The following LTA4H variants were observed in gnomAD, a reference collection of about 807,000 sequenced individuals.
LTA4H encodes the protein leukotriene A4 hydrolase, also known as leukotriene A-4 hydrolase.
In LTA4H, 59 loss-of-function variants were observed where a neutral mutation model predicts 89.8. The ratio of observed to expected loss-of-function variants is 0.66; its 90% CI spans 0.53 to 0.82. The LOEUF is 0.82. Ranked by LOEUF, LTA4H falls within the 40% of genes least tolerant of loss-of-function variation. The probability of loss-of-function intolerance (pLI) is 0.00; values close to 1 mark genes in which losing one functional copy is unlikely to be tolerated. For missense variants in LTA4H, 617 were observed against 727.0 expected, an observed-to-expected ratio of 0.85 and a Z score of 1.74; for synonymous variants, 227 against 253.1, an observed-to-expected ratio of 0.90 and a Z score of 0.98.
At chr12:96,043,431 C>T in exon 1 of LTA4H, 1 of 1,072,146 alleles carries the variant, frequency 9.3e-7, no homozygotes, top group Non-Finnish European at 1.4e-6. Flanking sequence ...CTCCCAAGCC[C>T]ATGCATCCTC....
chr12:96,004,069 C>T lies in LTA4H; in HGVS notation c.1531-149G>A, dbSNP rs374680933. On this transcript the variant is annotated intron_variant, in intron 16 of 18. Transcript: ENST00000228740. ...ATAAAAATAAAAGAAACAAATTGCA[C>T]ACTAAGTAAATTCTGTGCAAACTTA... 217 of 400,624 alleles carry T rather than the reference C, an allele frequency of 5.4e-4. No individual in the cohort carries two copies. The African/African-American group carries it at 7.3e-3, about 14-fold the overall frequency. The allele number at this position is 400,624 out of a possible 1,614,324, so 24.8% of individuals were successfully genotyped here. A position where few individuals can be genotyped will look rare whatever the true frequency, so the allele number is the denominator to read the frequency against.
intron 1 of LTA4H, among the ~76,000 whole-genome samples, chr12:96,031,867 A>T (rs529236847): frequency 3.0e-4 from 45 of 152,312 alleles, no homozygotes; most frequent in Admixed American, 2.3e-3. Flanking sequence ...GAGTTTTTTT[A>T]AAAAAAGCTT....
At position 96,018,837 on chromosome 12, in the gene LTA4H, A is replaced by G. The variant is rs777594065; in HGVS notation, c.778T>C (p.Leu260=). ...GPYVWGQYDL[L]VLPPSFPYGG... ...TAAGGGAAGGATGGTGGCAGGACCA[A>G]TAGGTCATACTGTCCCCATACATAC... Residue 260 remains leucine, a synonymous_variant, in exon 8 of 19, where the codon TTG becomes CTG. Transcript: ENST00000228740. 11 of 1,605,064 alleles carry G rather than the reference A, an allele frequency of 6.9e-6. No homozygotes were observed. In the Admixed American group the frequency reaches 1.2e-4, roughly 18 times the overall value.
At chr12:96,014,769 G>T in intron 12 of LTA4H, 86 bp downstream of exon 12, 1 of 1,274,512 alleles carries the variant, frequency 7.8e-7, no homozygotes, top group Non-Finnish European at 1.1e-6. Context: ...AGTATTAAAT[G>T]GAACAAAACA....
intron 3 of LTA4H, among the ~76,000 whole-genome samples, chr12:96,026,436 A>G (rs1406183784): frequency 1.3e-5 from 2 of 152,216 alleles, no homozygotes; most frequent in African/African-American, 4.8e-5. Flanking sequence ...CATGACTCAT[A>G]AATCTTGCAT....
chr12:96,024,183 C>T (rs1196360091), intron 4 of LTA4H, among the ~76,000 whole-genome samples: 3 of 152,118 alleles, frequency 2.0e-5, no homozygotes, highest in African/African-American at 2.4e-5. Flanking sequence ...CCACCCATCT[C>T]GGCCTCCCAA....
At chr12:96,018,669 TTCTTTAC>T (rs1213261781) in intron 8 of LTA4H, 87 bp downstream of exon 8, 1 of 812,918 alleles carries the variant, frequency 1.2e-6, no homozygotes, top group Non-Finnish European at 1.7e-6. Flanking sequence ...GACTCTAAGG[TTCTTTAC>T]ATATATATAC....
At chr12:96,006,550 AC>A in intron 15 of LTA4H, 141 bp from the exon 16 acceptor site, 1 of 529,794 alleles carries the variant, frequency 1.9e-6, no homozygotes, top group Non-Finnish European at 3.3e-6. Flanking sequence ...AGCCTGAGTT[AC>A]TTAAATAATC....
rs762030162 is a variant in LTA4H at position 96,013,208 on chromosome 12, T to G, written c.1359A>C (p.Gly453=). The G allele has an allele frequency of 6.2e-7, 1 of 1,613,704 alleles. No individual in the cohort carries two copies. Among genetic ancestry groups the G allele is most frequent in the South Asian group, 1.1e-5 (1 of 91,064 alleles). Reference sequence around the variant, plus strand: ...CTTACTTGGGCTTTATGGGAGGCAGTCCAGGAGAGTAGAGCCAGGCATTCC... The same window carrying G: ...CTTACTTGGGCTTTATGGGAGGCAGGCCAGGAGAGTAGAGCCAGGCATTCC... ...VDWNAWLYSP[G]LPPIKPNYDM... is the part of the protein sequence containing the mutation. Residue 453 remains glycine (G), a synonymous_variant, in exon 14 of 19, where the codon GGA becomes GGC. Coordinates refer to ENST00000228740, the MANE Select transcript of LTA4H (RefSeq NM_000895.3).
intron 8 of LTA4H, among the ~76,000 whole-genome samples, chr12:96,018,113 C>G (rs1453847427): frequency 6.6e-6 from 1 of 152,018 alleles, no homozygotes; most frequent in Admixed American, 6.6e-5. Flanking sequence ...TACCTACACA[C>G]CAAGTGTAAT....
intron 1 of LTA4H, among the ~76,000 whole-genome samples, chr12:96,043,066 G>A (rs939149491): frequency 6.6e-6 from 1 of 152,116 alleles, no homozygotes; most frequent in African/African-American, 2.4e-5. Flanking sequence ...CTTCACATCA[G>A]CCTATCTCAC....
Position 96,013,205 on chromosome 12 carries a change from C to A in LTA4H, c.1362G>T (p.Leu454=). The A allele has an allele frequency of 6.2e-7, 1 of 1,613,374 alleles. No individual in the cohort carries two copies. The highest frequency in any genetic ancestry group is 8.5e-7 in the Non-Finnish European group (1 of 1,179,460). ...GTACTTACTTGGGCTTTATGGGAGG[C>A]AGTCCAGGAGAGTAGAGCCAGGCAT... ...DWNAWLYSPG[L]PPIKPNYDMT... is the part of the protein sequence containing the mutation. The change falls in exon 14 of 19, where the codon CTG becomes CTT. Residue 454 remains leucine, a synonymous_variant. Coordinates refer to ENST00000228740, the MANE Select transcript of LTA4H (RefSeq NM_000895.3).
intron 7 of LTA4H, 27 bp downstream of exon 7, chr12:96,019,141 A>G (rs769161940): frequency 6.3e-7 from 1 of 1,587,916 alleles, no homozygotes; most frequent in Admixed American, 1.8e-5. Context: ...TATCACAATG[A>G]TTACAAAGGA....
rs550420091 is a variant in LTA4H at position 96,015,811 on chromosome 12, C to T, written c.948-117G>A. 63 of 685,716 alleles carry T rather than the reference C, an allele frequency of 9.2e-5. 2 individuals are homozygous for T. In the South Asian group the frequency reaches 1.1e-3, roughly 13 times the overall value. The allele number at this position is 685,716 out of a possible 1,614,324, so 42.5% of individuals were successfully genotyped here. ...GGAAAGCAGTTGTAAGGCATGACCACTACAGTCTAAGCCGACTCTGGCTCC... is the reference window on the plus strand; with the variant it reads ...GGAAAGCAGTTGTAAGGCATGACCATTACAGTCTAAGCCGACTCTGGCTCC... On this transcript the variant is annotated intron_variant, in intron 10 of 18. Transcript: ENST00000228740.
intron 1 of LTA4H, among the ~76,000 whole-genome samples, chr12:96,041,425 C>G (rs76954817): frequency 0.014 from 2,149 of 152,182 alleles, 50 homozygotes; most frequent in African/African-American, 0.048. Context: ...TTTGCTCTGC[C>G]TGCTGATGTG....
intron 1 of LTA4H, among the ~76,000 whole-genome samples, chr12:96,030,166 C>T (rs1017614639): frequency 1.3e-5 from 2 of 152,226 alleles, no homozygotes; most frequent in African/African-American, 4.8e-5. Context: ...CCTTCCTTCA[C>T]TTCTTTGCCT....
At position 96,029,057 on chromosome 12, in the gene LTA4H, G is replaced by T. The variant is rs964478546; in HGVS notation, c.288C>A (p.Ser96Arg). ...GAGAAAGATCATAACATTCATACTT[G>T]CTCAAAGCGATAGGAAGAGAGATTT... ...PMEISLPIALSKNQEIVIEIS... is the reference protein window; with the variant it reads ...PMEISLPIALRKNQEIVIEIS... Residue 96 changes from serine to arginine, a missense_variant and splice_region_variant, in exon 2 of 19, where the codon AGC becomes AGA. Around this residue, in one of 3 missense-constraint regions of LTA4H, gnomAD observed 155 missense variants for 143.3 expected, o/e 1.08. Coordinates refer to ENST00000228740, the MANE Select transcript of LTA4H (RefSeq NM_000895.3). The T allele has an allele frequency of 3.8e-6, 6 of 1,579,712 alleles. No homozygotes were observed. The highest frequency in any genetic ancestry group is 5.1e-6 in the Non-Finnish European group (6 of 1,165,690).
Position 96,000,801 on chromosome 12 carries a change from T to C in LTA4H, c.*188A>G. ...ATTTGTAAATCAAAAGATTAAACCTTGTTAAAATTTACAAAGAATATGCCA... is the reference window on the plus strand; with the variant it reads ...ATTTGTAAATCAAAAGATTAAACCTCGTTAAAATTTACAAAGAATATGCCA... On this transcript the variant is annotated 3_prime_UTR_variant, in exon 19 of 19. Coordinates refer to ENST00000228740, the MANE Select transcript of LTA4H (RefSeq NM_000895.3). 2.2e-6 allele frequency: 1 copy of C among 449,370 alleles called. No homozygotes were observed. The highest frequency in any genetic ancestry group is 4.0e-6 in the Non-Finnish European group (1 of 249,874). 27.8% of individuals were successfully genotyped at this position (449,370 alleles called of 1,614,324 possible).
At chr12:96,036,396 G>A (rs74416836), upstream of LTA4H, among the ~76,000 whole-genome samples, 232 of 152,302 alleles carry the variant, frequency 1.5e-3, 2 homozygotes, top group African/African-American at 5.3e-3. Context: ...GAAGAGGCTA[G>A]GTTTCGAAGG....
Sources: allele counts gnomAD v4.1 joint callset (sites outside exome capture counted in the v4.1 genomes callset), GRCh38; gene constraint gnomAD v4.1.1; regional missense constraint gnomAD v4.1.1; transcripts MANE v1.5; gene names NCBI Gene and HGNC (gene_info 2026-07-23, HGNC 2026-07-21).